The following SAMD12 variants were observed in gnomAD, a reference collection of about 807,000 sequenced individuals.
SAMD12 encodes sterile alpha motif domain-containing protein 12.
SAMD12 carries 9 observed loss-of-function variants against 15.0 expected under a neutral mutation model. The ratio of observed to expected loss-of-function variants is 0.60; its 90% CI spans 0.36 to 1.05. SAMD12 has a LOEUF of 1.05. Ranked by LOEUF, SAMD12 falls within the 50% of genes least tolerant of loss-of-function variation. The probability of loss-of-function intolerance (pLI) is 0.01; values close to 1 mark genes in which losing one functional copy is unlikely to be tolerated. For missense variants in SAMD12, 230 were observed against 234.2 expected (o/e 0.98, Z 0.12); for synonymous variants, 86 against 90.1 (o/e 0.96, Z 0.25).
intron 3 of SAMD12, among the ~76,000 whole-genome samples, chr8:118,426,328 T>C (rs1456590354): frequency 1.3e-5 from 2 of 152,168 alleles, no homozygotes; most frequent in Admixed American, 6.5e-5. Context: ...GAGTCACCCA[T>C]TGAACTCCGA....
At chr8:118,191,850 A>AGAGAGAGAGAGAGT (rs1306244240) in exon 5 of SAMD12, 1 of 122,586 alleles carries the variant, frequency 8.2e-6, no homozygotes, top group Non-Finnish European at 1.7e-5. Flanking sequence ...AGAGAGAGAG[A>AGAGAGAGAGAGAGT]GTGAGAAAAG....
intron 2 of SAMD12, among the ~76,000 whole-genome samples, chr8:118,480,295 A>G (rs16891083): frequency 0.032 from 4,877 of 152,276 alleles, 207 homozygotes; most frequent in African/African-American, 0.097. Flanking sequence ...AATCGCACAA[A>G]GGGCAGCATG....
chr8:118,200,792 T>C (rs1383172569), intron 4 of SAMD12, among the ~76,000 whole-genome samples: 1 of 152,204 alleles, frequency 6.6e-6, no homozygotes, highest in Non-Finnish European at 1.5e-5. Flanking sequence ...GTGGTGAAAG[T>C]AGGCCTTGAA....
chr8:118,495,946 C>T (rs1470023648), intron 2 of SAMD12, among the ~76,000 whole-genome samples: 2 of 152,030 alleles, frequency 1.3e-5, no homozygotes, highest in Admixed American at 6.6e-5. Context: ...AAATCAAGAT[C>T]GCAATCCCAC....
chr8:118,141,385 T>C, the SAMD12 span, among the ~76,000 whole-genome samples: 1 of 152,340 alleles, frequency 6.6e-6, no homozygotes, highest in South Asian at 2.1e-4. Context: ...AGTTTATCAA[T>C]AAGTTTGTGA....
chr8:118,160,469 T>A, the SAMD12 span, among the ~76,000 whole-genome samples: 6 of 152,168 alleles, frequency 3.9e-5, no homozygotes, highest in Non-Finnish European at 7.3e-5. Flanking sequence ...ATCAAGCCAG[T>A]GTCATACTTA....
At chr8:118,477,606 T>C (rs191881511) in intron 2 of SAMD12, among the ~76,000 whole-genome samples, 83 of 152,374 alleles carry the variant, frequency 5.4e-4, no homozygotes, top group African/African-American at 1.9e-3. Flanking sequence ...AATGATACTT[T>C]GGTTTGAATA....
At chr8:118,272,930 C>T (rs189504886) in intron 4 of SAMD12, among the ~76,000 whole-genome samples, 1 of 152,332 alleles carries the variant, frequency 6.6e-6, no homozygotes, top group East Asian at 1.9e-4. Context: ...AATGTTCACA[C>T]ATTTTCCTGT....
chr8:118,143,107 A>G, the SAMD12 span, among the ~76,000 whole-genome samples: 1 of 152,308 alleles, frequency 6.6e-6, no homozygotes, highest in African/African-American at 2.4e-5. Flanking sequence ...AGGGATTCCT[A>G]AAGGTTGACT....
At chr8:118,329,650 T>C (rs1400986662) in intron 4 of SAMD12, among the ~76,000 whole-genome samples, 2 of 152,224 alleles carry the variant, frequency 1.3e-5, no homozygotes, top group South Asian at 2.1e-4. Flanking sequence ...GTGTAAACAA[T>C]GTACTGCGTC....
chr8:118,328,707 C>G (rs1816674266), intron 4 of SAMD12, among the ~76,000 whole-genome samples: 2 of 152,172 alleles, frequency 1.3e-5, no homozygotes, highest in Non-Finnish European at 2.9e-5. Context: ...TTGCCCTTGA[C>G]ATCAACAGTG....
At chr8:118,387,770 A>G (rs1325330734) in intron 3 of SAMD12, among the ~76,000 whole-genome samples, 1 of 152,184 alleles carries the variant, frequency 6.6e-6, no homozygotes, top group Non-Finnish European at 1.5e-5. Context: ...AGAACTCATG[A>G]GCAAATGAGA....
At chr8:118,607,760 T>C (rs1828018608) in intron 1 of SAMD12, among the ~76,000 whole-genome samples, 1 of 152,226 alleles carries the variant, frequency 6.6e-6, no homozygotes, top group Non-Finnish European at 1.5e-5. Context: ...ATTTTTCATA[T>C]TTTGTAGTTA....
At chr8:118,292,539 T>A (rs1586450909) in intron 4 of SAMD12, among the ~76,000 whole-genome samples, 1 of 152,180 alleles carries the variant, frequency 6.6e-6, no homozygotes, top group East Asian at 1.9e-4. Context: ...GACCCAACCA[T>A]CCCATTACTG....
intron 4 of SAMD12, among the ~76,000 whole-genome samples, chr8:118,318,255 C>A (rs1816020362): frequency 6.8e-6 from 1 of 146,648 alleles, no homozygotes; most frequent in Admixed American, 6.9e-5. Flanking sequence ...ATGTTTATTG[C>A]AGCTCAATTC....
At chr8:118,347,706 A>G (rs1817735051) in intron 4 of SAMD12, among the ~76,000 whole-genome samples, 1 of 152,246 alleles carries the variant, frequency 6.6e-6, no homozygotes, top group African/African-American at 2.4e-5. Flanking sequence ...TACAGAATAC[A>G]ATTTGTGAAA....
At chr8:118,305,039 C>T (rs1358176545) in intron 4 of SAMD12, among the ~76,000 whole-genome samples, 2 of 148,006 alleles carry the variant, frequency 1.4e-5, no homozygotes, top group Non-Finnish European at 3.0e-5. Flanking sequence ...ATCCCAGCTA[C>T]TCGGGAGGCG....
intron 4 of SAMD12, among the ~76,000 whole-genome samples, chr8:118,212,909 C>T (rs747397530): frequency 6.6e-6 from 1 of 152,010 alleles, no homozygotes; most frequent in African/African-American, 2.4e-5. Flanking sequence ...ATCTCAGATG[C>T]AATGAAATAC....
At chr8:118,461,077 C>T (rs1224503943) in intron 2 of SAMD12, among the ~76,000 whole-genome samples, 1 of 152,190 alleles carries the variant, frequency 6.6e-6, no homozygotes, top group Non-Finnish European at 1.5e-5. Flanking sequence ...AATATAACCT[C>T]TATTAGATGA....
Sources: gnomAD v4.1 joint callset for allele counts (sites outside exome capture counted in the v4.1 genomes callset) on GRCh38, gnomAD v4.1.1 for gene constraint, MANE v1.5 for transcripts, NCBI Gene and HGNC (gene_info 2026-07-23, HGNC 2026-07-21) for gene names.